The following UGT2B7 variants were observed in gnomAD, a reference collection of about 807,000 sequenced individuals.
The protein encoded by UGT2B7 is UDP glucuronosyltransferase family 2 member B7.
Under a neutral mutation model 51.9 loss-of-function variants are expected in UGT2B7, and 51 were observed. The observed-to-expected ratio is 0.98, with a 90% confidence interval of 0.78 to 1.24. The LOEUF (loss-of-function observed/expected upper bound fraction) is 1.24. UGT2B7 is among the 50% of genes most tolerant of loss of function. UGT2B7 has a pLI of 0.00. For synonymous variants in UGT2B7, 225 were observed against 211.6 expected (o/e 1.06, Z -0.55); for missense variants, 727 against 628.4 (o/e 1.16, Z -1.68).
At chr4:69,082,413 A>T (rs1321536558) in intron 1 of UGT2B7, among the ~76,000 whole-genome samples, 1 of 152,058 alleles carries the variant, frequency 6.6e-6, no homozygotes, top group Admixed American at 6.6e-5. Flanking sequence ...AAAACAAAAA[A>T]GATAAAACAA....
intron 1 of UGT2B7, among the ~76,000 whole-genome samples, chr4:69,060,703 C>A (rs1487048174): frequency 6.6e-6 from 1 of 152,194 alleles, no homozygotes; most frequent in African/African-American, 2.4e-5. Flanking sequence ...TATCACTGCT[C>A]GGCTGGCACA....
In UGT2B7 at chr4:69,108,321, T is replaced by A. The variant is rs1379549268; in HGVS notation, c.1309T>A (p.Ser437Thr). Residue 437 changes from serine (S) to threonine (T), a missense_variant and splice_region_variant, in exon 5 of 6, where the codon TCA becomes ACA. Coordinates refer to ENST00000305231, the MANE Select transcript of UGT2B7 (RefSeq NM_001074.4). ...ATTGAAGAGAGTAATTAATGATCCT[T>A]CGTGAGTAGAACAATATTTTTCACT... The part of the protein sequence containing the change: ...NALKRVINDP[S>T]YKENVMKLSR... The A allele has an allele frequency of 6.2e-7, 1 of 1,613,282 alleles. No homozygotes were observed. Among genetic ancestry groups the A allele is most frequent in the Admixed American group, 1.7e-5 (1 of 59,980 alleles).
Position 69,112,975 on chromosome 4 carries a change from A to T in UGT2B7, c.*239A>T, listed in dbSNP as rs1299084006. 2 of 488,762 alleles carry T rather than the reference A, an allele frequency of 4.1e-6. No individual in the cohort carries two copies. The highest frequency in any genetic ancestry group is 6.5e-6 in the Non-Finnish European group (2 of 305,378). 30.3% of individuals were successfully genotyped at this position (488,762 alleles called of 1,614,324 possible). On this transcript the variant is annotated 3_prime_UTR_variant, in exon 6 of 6. Coordinates refer to ENST00000305231, the MANE Select transcript of UGT2B7 (RefSeq NM_001074.4). ...AAAACACTACGGAAAATAAAAAATA[A>T]GATAAAGCCTTATGAGCTCGTATTG...
At chr4:69,064,017 T>TGGGA (rs1718415259) in intron 1 of UGT2B7, among the ~76,000 whole-genome samples, 1 of 63,778 alleles carries the variant, frequency 1.6e-5, no homozygotes, top group African/African-American at 6.1e-5. Context: ...GAAGATGAGA[T>TGGGA]GGGAAAGAAA....
chr4:69,081,213 A>G (rs1377933329), intron 1 of UGT2B7, among the ~76,000 whole-genome samples: 3 of 152,174 alleles, frequency 2.0e-5, no homozygotes, highest in Non-Finnish European at 4.4e-5. Flanking sequence ...GGTAGAAACC[A>G]TATCAGTGTC....
chr4:69,102,983 C>A lies in UGT2B7; in HGVS notation c.1002+45C>A. Reference sequence around the variant, plus strand: ...TGGTGTGGAAAACTACTGAAAGAGGCTGTTAAAGTTTGAAGTAATCCAATT... The same window carrying A: ...TGGTGTGGAAAACTACTGAAAGAGGATGTTAAAGTTTGAAGTAATCCAATT... On this transcript the variant is annotated intron_variant, in intron 3 of 5. Coordinates refer to ENST00000305231, the MANE Select transcript of UGT2B7 (RefSeq NM_001074.4). 1.9e-6 allele frequency: 3 copies of A among 1,584,206 alleles called. No individual in the cohort carries two copies. The East Asian group carries it at 6.8e-5, about 36-fold the overall frequency.
At chr4:69,111,360 C>T (rs1719765305) in intron 5 of UGT2B7, among the ~76,000 whole-genome samples, 1 of 152,122 alleles carries the variant, frequency 6.6e-6, no homozygotes, top group African/African-American at 2.4e-5. Context: ...ATCATTCTGG[C>T]TACAGGGTGG....
rs569411321 is a variant in UGT2B7, at chr4:69,096,644, A to G, written c.124A>G (p.Ile42Val). 2 of 1,613,990 alleles carry G rather than the reference A, an allele frequency of 1.2e-6. No homozygotes were observed. Among genetic ancestry groups the G allele is most frequent in the Admixed American group, 1.7e-5 (1 of 60,004 alleles). Residue 42 changes from isoleucine (I) to valine (V), a missense_variant, in exon 1 of 6, where the codon ATC becomes GTC. Coordinates refer to ENST00000305231, the MANE Select transcript of UGT2B7 (RefSeq NM_001074.4). ...EYSHWMNIKT[I>V]LDELIQRGHE... is the part of the protein sequence containing the mutation. ...CAGCCATTGGATGAATATAAAGACA[A>G]TCCTGGATGAGCTTATTCAGAGAGG...
chr4:69,080,001 T>A (rs1208520063), intron 1 of UGT2B7, among the ~76,000 whole-genome samples: 2 of 152,068 alleles, frequency 1.3e-5, no homozygotes, highest in East Asian at 3.9e-4. Context: ...CTTAGCATCT[T>A]TTTTTGCATT....
Position 69,078,085 on chromosome 4 carries a change from T to A in UGT2B7, c.-158-11387T>A, listed in dbSNP as rs184166161. Among the ~76,000 whole-genome samples the A allele has an allele frequency of 5.2e-3, 792 of 152,276 alleles. 11 individuals are homozygous for A. Among genetic ancestry groups the A allele is most frequent in the African/African-American group, 0.018 (762 of 41,568 alleles). Reference sequence around the variant, plus strand: ...TGTTTTTTTTCATTGGTTCTTTTTATGTCATGGATTCCTTTTTTTGATTTT... The same window carrying A: ...TGTTTTTTTTCATTGGTTCTTTTTAAGTCATGGATTCCTTTTTTTGATTTT... On this transcript the variant is annotated intron_variant, in intron 1 of 5. Coordinates refer to the UGT2B7 transcript ENST00000502942.
chr4:69,062,776 G>T (rs1376573696), intron 1 of UGT2B7, among the ~76,000 whole-genome samples: 2 of 152,188 alleles, frequency 1.3e-5, no homozygotes, highest in Admixed American at 6.5e-5. Context: ...ACCAAGAACT[G>T]ACTAGTCTAT....
chr4:69,076,616 T>A (rs1718712999), intron 1 of UGT2B7, among the ~76,000 whole-genome samples: 1 of 152,234 alleles, frequency 6.6e-6, no homozygotes, highest in Non-Finnish European at 1.5e-5. Context: ...CTTCACCCAC[T>A]TTTTGATAGG....
At chr4:69,067,761 A>G (rs1718512988) in intron 1 of UGT2B7, 1 of 152,304 alleles carries the variant, frequency 6.6e-6, no homozygotes, top group African/African-American at 2.4e-5. Flanking sequence ...TGATCAATAC[A>G]CCATTGTGTT....
chr4:69,058,807 G>A lies in UGT2B7; in HGVS notation c.-159+7205G>A, dbSNP rs140758173. On this transcript the variant is annotated intron_variant, in intron 1 of 5. Transcript: ENST00000502942. ...CAAAGGCTTAAGAAAAAGGCTGATTGGCTGGCAGCAGCTCTCACAGGGAGG... is the reference window on the plus strand; with the variant it reads ...CAAAGGCTTAAGAAAAAGGCTGATTAGCTGGCAGCAGCTCTCACAGGGAGG... Among the ~76,000 whole-genome samples the A allele has an allele frequency of 2.1e-3, 314 of 152,314 alleles. 1 individual carries two copies. The highest frequency in any genetic ancestry group is 7.2e-3 in the African/African-American group (298 of 41,574).
chr4:69,103,184 T>A (rs1432909310), intron 3 of UGT2B7, among the ~76,000 whole-genome samples: 1 of 152,040 alleles, frequency 6.6e-6, no homozygotes, highest in South Asian at 2.1e-4. Context: ...GAGAAAGGTA[T>A]TTAAAAAGTG....
upstream of UGT2B7, among the ~76,000 whole-genome samples, chr4:69,092,318 T>G (rs1032554436): frequency 1.3e-5 from 2 of 152,180 alleles, no homozygotes; most frequent in Non-Finnish European, 2.9e-5. Context: ...TTAATTGAAT[T>G]GGGTGGAATT....
intron 1 of UGT2B7, among the ~76,000 whole-genome samples, chr4:69,066,131 G>A (rs1718478478): frequency 6.6e-6 from 1 of 152,108 alleles, no homozygotes; most frequent in Non-Finnish European, 1.5e-5. Flanking sequence ...TAACAGATAT[G>A]CTATCATTTC....
intron 1 of UGT2B7, among the ~76,000 whole-genome samples, chr4:69,065,793 A>T: frequency 6.6e-6 from 1 of 152,160 alleles, no homozygotes; most frequent in East Asian, 1.9e-4. Flanking sequence ...GTAATATTAA[A>T]TTTGTGAGAT....
chr4:69,080,762 C>T (rs1273310667), intron 1 of UGT2B7, among the ~76,000 whole-genome samples: 1 of 152,062 alleles, frequency 6.6e-6, no homozygotes, highest in African/African-American at 2.4e-5. Context: ...CTTCTTTACA[C>T]ACTCCTCACC....
Sources: allele counts gnomAD v4.1 joint callset (sites outside exome capture counted in the v4.1 genomes callset), GRCh38; gene constraint gnomAD v4.1.1; transcripts MANE v1.5; gene names NCBI Gene and HGNC (gene_info 2026-07-23, HGNC 2026-07-21).